PDE4D: variants seen among roughly 807,000 people sequenced by gnomAD.
PDE4D encodes the protein 3',5'-cyclic-AMP phosphodiesterase 4D.
PDE4D carries 24 observed loss-of-function variants against 87.4 expected under a neutral mutation model. The observed-to-expected ratio is 0.27, with a 90% confidence interval of 0.20 to 0.39. The LOEUF (loss-of-function observed/expected upper bound fraction) is 0.39. Among genes scored for constraint, PDE4D ranks in the 10% least tolerant of loss-of-function variants. PDE4D has a pLI of 1.00. For synonymous variants in PDE4D, 384 were observed against 383.2 expected (o/e 1.00, Z -0.02); for missense variants, 714 against 1,041.0 (o/e 0.69, Z 4.32).
intron 1 of PDE4D, among the ~76,000 whole-genome samples, chr5:59,790,726 C>T (rs754662759): frequency 7.2e-5 from 11 of 152,070 alleles, no homozygotes; most frequent in African/African-American, 2.2e-4. Flanking sequence ...TCTGTCATCC[C>T]GTCTTCCTTC....
intron 1 of PDE4D, among the ~76,000 whole-genome samples, chr5:59,323,118 G>A (rs1775013010): frequency 6.6e-6 from 1 of 152,086 alleles, no homozygotes; most frequent in Non-Finnish European, 1.5e-5. Context: ...AATCTAGACT[G>A]TTATCATTCC....
intron 5 of PDE4D, among the ~76,000 whole-genome samples, chr5:59,117,490 T>A (rs955685916): frequency 2.6e-5 from 4 of 152,102 alleles, no homozygotes; most frequent in Non-Finnish European, 4.4e-5. Context: ...GGTGGGAGTG[T>A]TTGTTCCTTT....
At chr5:60,153,768 GA>G (rs1376457733) in intron 2 of PDE4D, among the ~76,000 whole-genome samples, 1 of 152,032 alleles carries the variant, frequency 6.6e-6, no homozygotes, top group Non-Finnish European at 1.5e-5. Context: ...TAGTTACAGG[GA>G]AAAAAACATG....
intron 1 of PDE4D, among the ~76,000 whole-genome samples, chr5:59,484,846 A>G (rs749849337): frequency 6.6e-6 from 1 of 152,084 alleles, no homozygotes; most frequent in African/African-American, 2.4e-5. Flanking sequence ...GTAAAATGTA[A>G]TGTGGGTCAA....
intron 1 of PDE4D, among the ~76,000 whole-genome samples, chr5:60,245,033 G>T (rs1747591187): frequency 6.6e-6 from 1 of 151,976 alleles, no homozygotes; most frequent in Non-Finnish European, 1.5e-5. Flanking sequence ...GAAAATATTT[G>T]CAAACTATCC....
At chr5:60,343,296 C>T (rs1474458226) in intron 1 of PDE4D, among the ~76,000 whole-genome samples, 2 of 152,142 alleles carry the variant, frequency 1.3e-5, no homozygotes, top group Non-Finnish European at 2.9e-5. Flanking sequence ...ACCCCTGCCT[C>T]ACCAAACACT....
chr5:59,124,478 C>T (rs1218697793), intron 5 of PDE4D, among the ~76,000 whole-genome samples: 1 of 152,142 alleles, frequency 6.6e-6, no homozygotes, highest in Admixed American at 6.5e-5. Flanking sequence ...TGCATTTCGC[C>T]CTGATAATTT....
At chr5:60,520,536 A>T (rs1421410981) in intron 1 of PDE4D, among the ~76,000 whole-genome samples, 1 of 152,066 alleles carries the variant, frequency 6.6e-6, no homozygotes, top group African/African-American at 2.4e-5. Flanking sequence ...CACTCTCTTT[A>T]TCTTGTGAGT....
At chr5:59,482,908 T>C (rs1804514769) in intron 1 of PDE4D, among the ~76,000 whole-genome samples, 1 of 152,176 alleles carries the variant, frequency 6.6e-6, no homozygotes, top group Non-Finnish European at 1.5e-5. Context: ...TTAATTAACA[T>C]CATCTGGGGT....
intron 1 of PDE4D, among the ~76,000 whole-genome samples, chr5:59,556,066 GT>G (rs1818855595): frequency 6.6e-6 from 1 of 152,072 alleles, no homozygotes; most frequent in Admixed American, 6.6e-5. Context: ...AGGTATTAGA[GT>G]TTATGGACCT....
rs183130110 is a variant in PDE4D, at chr5:60,298,479, G to A, written c.-89-112792C>T. Among the ~76,000 whole-genome samples the A allele has an allele frequency of 2.0e-5, 3 of 152,260 alleles. No individual in the cohort carries two copies. The East Asian group carries it at 5.8e-4, about 29-fold the overall frequency. ...TACACACAGAGAATATTTAAGTCATGACTATGGAAAAACAATTACTATATT... is the reference window on the plus strand; with the variant it reads ...TACACACAGAGAATATTTAAGTCATAACTATGGAAAAACAATTACTATATT... On this transcript the variant is annotated intron_variant, in intron 1 of 16. Coordinates refer to the PDE4D transcript ENST00000502484.
At chr5:59,713,538 ACTCAC>A (rs1413825631) in intron 1 of PDE4D, among the ~76,000 whole-genome samples, 2 of 151,890 alleles carry the variant, frequency 1.3e-5, no homozygotes, top group African/African-American at 4.8e-5. Context: ...GCTACCCACC[ACTCAC>A]CCACTGACTC....
chr5:60,224,779 C>T lies in PDE4D; in HGVS notation c.-89-39092G>A, dbSNP rs143445086. Among the ~76,000 whole-genome samples, 455 of 152,238 alleles carry T rather than the reference C, an allele frequency of 3.0e-3. 5 individuals are homozygous for T. The highest frequency in any genetic ancestry group is 0.01 in the African/African-American group (429 of 41,554). On this transcript the variant is annotated intron_variant, in intron 1 of 16. Coordinates refer to the PDE4D transcript ENST00000502484. Reference sequence around the variant, plus strand: ...TCAATTAAGCCACCAGGCTAGCCCACATTCAAGGGGAGAGGAATTAGACTC... The same window carrying T: ...TCAATTAAGCCACCAGGCTAGCCCATATTCAAGGGGAGAGGAATTAGACTC...
At chr5:59,824,092 C>A (rs368875422) in intron 1 of PDE4D, among the ~76,000 whole-genome samples, 1 of 151,882 alleles carries the variant, frequency 6.6e-6, no homozygotes, top group Non-Finnish European at 1.5e-5. Flanking sequence ...CACTGTCCAG[C>A]AGAAAGGCAA....
intron 1 of PDE4D, among the ~76,000 whole-genome samples, chr5:59,849,539 TTA>T (rs1490449094): frequency 2.0e-5 from 3 of 151,922 alleles, no homozygotes; most frequent in Non-Finnish European, 4.4e-5. Context: ...TCTCTATTAT[TTA>T]TATGTTTTAT....
intron 3 of PDE4D, among the ~76,000 whole-genome samples, chr5:59,926,746 A>G (rs1755334722): frequency 6.6e-6 from 1 of 152,178 alleles, no homozygotes; most frequent in African/African-American, 2.4e-5. Flanking sequence ...ACTATAAGCA[A>G]CTACATGGCA....
chr5:59,147,742 C>T (rs991889120), intron 5 of PDE4D, among the ~76,000 whole-genome samples: 2 of 152,190 alleles, frequency 1.3e-5, no homozygotes, highest in Non-Finnish European at 2.9e-5. Context: ...AGAGCTTTAA[C>T]TTAGTAACTG....
At position 59,022,351 on chromosome 5, in the gene PDE4D, A is replaced by G. The variant is rs114848226; in HGVS notation, c.921+16508T>C. Reference sequence around the variant, plus strand: ...CCACTCTTCTCTTTCTCTGCCTCACACTGCCTAATACGTCTTTCCTCTTTC... The same window carrying G: ...CCACTCTTCTCTTTCTCTGCCTCACGCTGCCTAATACGTCTTTCCTCTTTC... On this transcript the variant is annotated intron_variant, in intron 6 of 14. Transcript: ENST00000340635. Among the ~76,000 whole-genome samples, 881 of 152,156 alleles carry G rather than the reference A, an allele frequency of 5.8e-3. 7 individuals are homozygous for G. The highest frequency in any genetic ancestry group is 0.02 in the African/African-American group (836 of 41,512).
At chr5:59,647,868 A>G (rs1742738566) in intron 1 of PDE4D, among the ~76,000 whole-genome samples, 1 of 152,194 alleles carries the variant, frequency 6.6e-6, no homozygotes, top group Admixed American at 6.5e-5. Context: ...TTATTTTTAT[A>G]TATCTTTGCA....
Sources: gnomAD v4.1 joint callset for allele counts (sites outside exome capture counted in the v4.1 genomes callset) on GRCh38, gnomAD v4.1.1 for gene constraint, MANE v1.5 for transcripts, NCBI Gene and HGNC (gene_info 2026-07-23, HGNC 2026-07-21) for gene names.